The following APLP2 variants were observed in gnomAD, a reference collection of about 807,000 sequenced individuals.
APLP2 encodes amyloid beta precursor like protein 2.
APLP2 carries 53 observed loss-of-function variants against 89.9 expected under a neutral mutation model. That is an observed-to-expected ratio of 0.59 (90% CI 0.47 to 0.74). The LOEUF is 0.74. APLP2 is among the 30% of genes least tolerant of loss of function. The pLI is 0.00. For synonymous variants in APLP2, 372 were observed against 348.6 expected (o/e 1.07, Z -0.75); for missense variants, 973 against 975.9 (o/e 1.00, Z 0.04).
intron 11 of APLP2, among the ~76,000 whole-genome samples, chr11:130,133,182 G>A (rs1314618054): frequency 2.0e-5 from 3 of 151,174 alleles, no homozygotes; most frequent in African/African-American, 7.3e-5. Context: ...GAGTGCAGTA[G>A]CACAGTCATA....
intron 1 of APLP2, among the ~76,000 whole-genome samples, chr11:130,094,645 CA>C (rs1463492206): frequency 2.0e-5 from 3 of 152,170 alleles, no homozygotes; most frequent in Admixed American, 2.0e-4. Context: ...AAATTATTGA[CA>C]AGACGTGTAC....
At chr11:130,138,832 CAA>C (rs1951982538) in intron 13 of APLP2, 1 of 149,680 alleles carries the variant, frequency 6.7e-6, no homozygotes, top group Non-Finnish European at 1.5e-5. Context: ...CTCCTGGACT[CAA>C]GTGATCCTCC....
chr11:130,113,977 A>G (rs1370007172), intron 3 of APLP2, among the ~76,000 whole-genome samples: 1 of 152,122 alleles, frequency 6.6e-6, no homozygotes, highest in Non-Finnish European at 1.5e-5. Context: ...TGTTTTTTGA[A>G]TCATTTGGCA....
chr11:130,083,469 A>G (rs1404597195), intron 1 of APLP2, among the ~76,000 whole-genome samples: 1 of 152,210 alleles, frequency 6.6e-6, no homozygotes, highest in Non-Finnish European at 1.5e-5. Flanking sequence ...CAAAACGGAA[A>G]CTTTATACCT....
Position 130,126,839 on chromosome 11 carries a change from T to C in APLP2, c.1221+9T>C. The C allele has an allele frequency of 1.9e-6, 3 of 1,613,918 alleles. No individual in the cohort carries two copies. Among genetic ancestry groups the C allele is most frequent in the Non-Finnish European group, 2.5e-6 (3 of 1,179,798 alleles). ...GCAACCGAATGGACAGGGTAAACCT[T>C]GACAATTTCTTCATCTTCATGGTAC... On this transcript the variant is annotated intron_variant, in intron 8 of 16. Coordinates refer to ENST00000338167, the MANE Select transcript of APLP2 (RefSeq NM_001142276.2).
intron 1 of APLP2, among the ~76,000 whole-genome samples, chr11:130,084,797 CAGA>C (rs766600235): frequency 1.3e-5 from 2 of 150,774 alleles, no homozygotes; most frequent in African/African-American, 4.9e-5. Context: ...CCAAAGTGAG[CAGA>C]AGGAGGAAAA....
At position 130,141,765 on chromosome 11, in the gene APLP2, C is replaced by T. The variant is rs571028285; in HGVS notation, c.1999-154C>T. 79 of 992,062 alleles carry T rather than the reference C, an allele frequency of 8.0e-5. 1 individual carries two copies. The South Asian group carries it at 1.3e-3, about 16-fold the overall frequency. 61.5% of individuals were successfully genotyped at this position (992,062 alleles called of 1,614,324 possible). On this transcript the variant is annotated intron_variant, in intron 15 of 16. Coordinates refer to ENST00000338167, the MANE Select transcript of APLP2 (RefSeq NM_001142276.2). This position sits in a 1 kb window ranked among gnomAD's most constrained non-coding sequence, Gnocchi z 4.2. The stretch of plus-strand genomic sequence containing the variant: ...GGAGATTGGGAAGAGTGGGCGTTCT[C>T]CACCTGTGGGTGGTTCCCTGCAAAG...
At chr11:130,098,702 TACTC>T (rs1262517395) in intron 1 of APLP2, among the ~76,000 whole-genome samples, 4 of 152,206 alleles carry the variant, frequency 2.6e-5, no homozygotes, top group African/African-American at 4.8e-5. Flanking sequence ...GTACATGAAA[TACTC>T]AAACTATGCT....
intron 7 of APLP2, among the ~76,000 whole-genome samples, chr11:130,124,478 A>G (rs1479698213): frequency 6.6e-6 from 1 of 152,114 alleles, no homozygotes; most frequent in South Asian, 2.1e-4. Flanking sequence ...AAGAGTTTCT[A>G]CCAAGAGTTT....
chr11:130,109,839 A>G, intron 2 of APLP2: 1 of 421,158 alleles, frequency 2.4e-6, no homozygotes, highest in Non-Finnish European at 4.2e-6. Context: ...GAAGCCTGGC[A>G]AGTGCCATGG....
At chr11:130,075,931 AC>A (rs1299699170) in intron 1 of APLP2, among the ~76,000 whole-genome samples, 1 of 152,182 alleles carries the variant, frequency 6.6e-6, no homozygotes, top group Non-Finnish European at 1.5e-5. Context: ...TATATTATGA[AC>A]CATTGTAAAC....
chr11:130,140,176 C>T (rs1013517847), intron 13 of APLP2, among the ~76,000 whole-genome samples: 1 of 152,214 alleles, frequency 6.6e-6, no homozygotes, highest in Non-Finnish European at 1.5e-5. Context: ...TAAGCACTCC[C>T]TCCTCCTCCA....
At chr11:130,116,583 C>T (rs1411724831) in intron 3 of APLP2, among the ~76,000 whole-genome samples, 1 of 151,892 alleles carries the variant, frequency 6.6e-6, no homozygotes, top group Non-Finnish European at 1.5e-5. Context: ...TCCTGCGTGT[C>T]CCCCTTTCCA....
At chr11:130,140,258 G>A (rs1952188949) in intron 13 of APLP2, 140 bp from the exon 14 acceptor site, 3 of 560,882 alleles carry the variant, frequency 5.3e-6, no homozygotes, top group African/African-American at 3.8e-5. Flanking sequence ...TCAGACTTGT[G>A]AACATGGTGG....
chr11:130,070,395 C>T (rs934824183), intron 1 of APLP2, among the ~76,000 whole-genome samples: 4 of 151,308 alleles, frequency 2.6e-5, no homozygotes, highest in Non-Finnish European at 4.4e-5. Flanking sequence ...GGACCCAGTG[C>T]CCCCGGGCGC....
At chr11:130,143,188 T>C (rs115851072) in intron 16 of APLP2, among the ~76,000 whole-genome samples, 159 bp from the exon 17 acceptor site, 2,372 of 152,316 alleles carry the variant, frequency 0.016, 49 homozygotes, top group African/African-American at 0.054. Flanking sequence ...CTTTCTCCTG[T>C]GTTTCACCAC....
intron 1 of APLP2, among the ~76,000 whole-genome samples, chr11:130,071,931 G>A (rs1038774713): frequency 3.3e-5 from 5 of 152,278 alleles, no homozygotes; most frequent in African/African-American, 9.6e-5. Context: ...TTTGCTGTCA[G>A]GCAAGGGACT....
intron 1 of APLP2, among the ~76,000 whole-genome samples, chr11:130,095,279 G>A (rs1034090252): frequency 8.5e-5 from 13 of 152,208 alleles, no homozygotes; most frequent in Admixed American, 2.6e-4. Context: ...GGCTGAGGCC[G>A]GAGGATTGCT....
chr11:130,083,030 T>C (rs1406642175), intron 1 of APLP2, among the ~76,000 whole-genome samples: 1 of 110,426 alleles, frequency 9.1e-6, no homozygotes. Flanking sequence ...TCTTTTCTTT[T>C]TTTTTTTTTT....
Sources: allele counts gnomAD v4.1 joint callset (sites outside exome capture counted in the v4.1 genomes callset), GRCh38; gene constraint gnomAD v4.1.1; non-coding constraint Gnocchi (gnomAD v3.1); transcripts MANE v1.5; gene names NCBI Gene and HGNC (gene_info 2026-07-23, HGNC 2026-07-21).